The following MACROD2 variants were observed in gnomAD, a reference collection of about 807,000 sequenced individuals.
MACROD2 encodes the protein mono-ADP ribosylhydrolase 2, also known as ADP-ribose glycohydrolase MACROD2.
MACROD2 carries 36 observed loss-of-function variants against 70.4 expected under a neutral mutation model. That is an observed-to-expected ratio of 0.51 (90% CI 0.39 to 0.68). The LOEUF (loss-of-function observed/expected upper bound fraction) is 0.68, where lower values mean the gene tolerates loss of function less well. MACROD2 is among the 30% of genes least tolerant of loss of function. The probability of loss-of-function intolerance (pLI) is 0.00; values close to 1 mark genes in which losing one functional copy is unlikely to be tolerated. For synonymous variants in MACROD2, 172 were observed against 178.8 expected (o/e 0.96, Z 0.30); for missense variants, 496 against 538.4 (o/e 0.92, Z 0.78).
At chr20:14,724,901 A>T (rs2071510273) in intron 5 of MACROD2, among the ~76,000 whole-genome samples, 2 of 152,128 alleles carry the variant, frequency 1.3e-5, no homozygotes, top group African/African-American at 4.8e-5. Flanking sequence ...ATTACTTGGG[A>T]TATTGTGTGG....
intron 8 of MACROD2, among the ~76,000 whole-genome samples, chr20:15,709,632 A>C (rs2050594565): frequency 6.6e-6 from 1 of 152,160 alleles, no homozygotes; most frequent in Non-Finnish European, 1.5e-5. Flanking sequence ...GCACCACTGC[A>C]CTCCCGCCTA....
At chr20:14,788,763 GTTT>G (rs1195877119) in intron 5 of MACROD2, among the ~76,000 whole-genome samples, 12 of 79,466 alleles carry the variant, frequency 1.5e-4, no homozygotes, top group East Asian at 3.7e-4. Flanking sequence ...TAGTGGTGGT[GTTT>G]TTTTTTTTTT....
At chr20:15,528,807 G>A (rs1301644301) in intron 8 of MACROD2, among the ~76,000 whole-genome samples, 1 of 151,524 alleles carries the variant, frequency 6.6e-6, no homozygotes. Flanking sequence ...GAGCTTAGCT[G>A]CCATCTTGAA....
chr20:14,087,119 G>T (rs2054086115), intron 3 of MACROD2, among the ~76,000 whole-genome samples: 1 of 152,172 alleles, frequency 6.6e-6, no homozygotes, highest in Admixed American at 6.5e-5. Flanking sequence ...TTACAGCTGG[G>T]TGCGGTGGCT....
chr20:14,859,464 A>G (rs770272598), intron 5 of MACROD2, among the ~76,000 whole-genome samples: 15 of 152,128 alleles, frequency 9.9e-5, no homozygotes, highest in Non-Finnish European at 1.9e-4. Context: ...TTGTTATTAT[A>G]AGAGTTACTA....
intron 8 of MACROD2, among the ~76,000 whole-genome samples, chr20:15,679,668 A>T (rs1267694994): frequency 2.0e-5 from 3 of 152,166 alleles, no homozygotes; most frequent in Non-Finnish European, 4.4e-5. Context: ...GACCATGTGG[A>T]AAGACCACAC....
At chr20:14,566,118 T>G (rs1979783485) in intron 4 of MACROD2, among the ~76,000 whole-genome samples, 1 of 151,978 alleles carries the variant, frequency 6.6e-6, no homozygotes, top group African/African-American at 2.4e-5. Flanking sequence ...GTAACTCGTG[T>G]GATAAATATA....
intron 5 of MACROD2, among the ~76,000 whole-genome samples, chr20:15,125,702 T>A (rs2123261202): frequency 6.6e-6 from 1 of 152,214 alleles, no homozygotes; most frequent in African/African-American, 2.4e-5. Context: ...AGATGTAATT[T>A]ACATATAGTA....
At chr20:14,590,493 T>A (rs1981692588) in intron 4 of MACROD2, among the ~76,000 whole-genome samples, 1 of 152,130 alleles carries the variant, frequency 6.6e-6, no homozygotes, top group African/African-American at 2.4e-5. Flanking sequence ...CCCGTACACT[T>A]GAGTAGCTGT....
At chr20:14,510,768 G>A (rs1600320624) in intron 4 of MACROD2, among the ~76,000 whole-genome samples, 1 of 152,068 alleles carries the variant, frequency 6.6e-6, no homozygotes, top group South Asian at 2.1e-4. Flanking sequence ...CATGCATAGG[G>A]TTTTCTTAAA....
At chr20:15,595,690 T>C (rs1483532276) in intron 8 of MACROD2, among the ~76,000 whole-genome samples, 1 of 152,190 alleles carries the variant, frequency 6.6e-6, no homozygotes, top group Non-Finnish European at 1.5e-5. Context: ...ATGAATCTAA[T>C]TCTTTAAAAA....
chr20:15,574,251 G>T (rs555784286), intron 8 of MACROD2, among the ~76,000 whole-genome samples: 1 of 151,930 alleles, frequency 6.6e-6, no homozygotes, highest in Non-Finnish European at 1.5e-5. Context: ...CTGAATTCTG[G>T]TGATAAAACA....
intron 5 of MACROD2, among the ~76,000 whole-genome samples, chr20:15,170,701 G>A (rs112873816): frequency 4.6e-4 from 70 of 152,286 alleles, no homozygotes; most frequent in African/African-American, 1.6e-3. Flanking sequence ...GGGACTCTGG[G>A]AAATGCAATT....
At chr20:15,746,528 A>G (rs2051185430) in intron 8 of MACROD2, among the ~76,000 whole-genome samples, 2 of 150,810 alleles carry the variant, frequency 1.3e-5, no homozygotes, top group Non-Finnish European at 3.0e-5. Context: ...TGAAACAGTA[A>G]AGACTGAGTT....
At chr20:15,897,727 T>C (rs1259571930) in intron 10 of MACROD2, among the ~76,000 whole-genome samples, 1 of 152,194 alleles carries the variant, frequency 6.6e-6, no homozygotes, top group Non-Finnish European at 1.5e-5. Context: ...CCTTTTCAAA[T>C]ATACATGGCC....
chr20:14,460,604 C>T (rs948245748), intron 3 of MACROD2, among the ~76,000 whole-genome samples: 1 of 152,082 alleles, frequency 6.6e-6, no homozygotes, highest in East Asian at 1.9e-4. Flanking sequence ...CCATCAATAC[C>T]AATTTATTGT....
intron 3 of MACROD2, among the ~76,000 whole-genome samples, chr20:14,422,054 A>C (rs138919490): frequency 7.3e-4 from 111 of 152,260 alleles, no homozygotes; most frequent in Non-Finnish European, 1.1e-3. Context: ...CTTCAATTCT[A>C]GGAATGTTTG....
chr20:14,778,296 C>G (rs896337838), intron 5 of MACROD2, among the ~76,000 whole-genome samples: 3 of 152,096 alleles, frequency 2.0e-5, no homozygotes, highest in African/African-American at 7.3e-5. Flanking sequence ...TGTCATTGCG[C>G]CCTGTCCGGT....
chr20:15,580,574 C>G (rs2048509968), intron 8 of MACROD2, among the ~76,000 whole-genome samples: 2 of 152,192 alleles, frequency 1.3e-5, no homozygotes, highest in Non-Finnish European at 2.9e-5. Context: ...ACTATTTCCT[C>G]AGGCTGAGAA....
Sources: gnomAD v4.1 joint callset for allele counts (sites outside exome capture counted in the v4.1 genomes callset) on GRCh38, gnomAD v4.1.1 for gene constraint, MANE v1.5 for transcripts, NCBI Gene and HGNC (gene_info 2026-07-23, HGNC 2026-07-21) for gene names.